The following GCN1 variants were observed in gnomAD, a reference collection of about 807,000 sequenced individuals.
The protein encoded by GCN1 is GCN1 activator of EIF2AK4.
A neutral mutation model predicts 288.4 loss-of-function variants in GCN1; 90 were observed. The ratio of observed to expected loss-of-function variants is 0.31; its 90% CI spans 0.26 to 0.37. The LOEUF (loss-of-function observed/expected upper bound fraction) is 0.37. GCN1 is among the 10% of genes least tolerant of loss of function. The pLI is 1.00. For missense variants in GCN1, 2,586 were observed against 3,419.9 expected (o/e 0.76, Z 6.08); for synonymous variants, 1,386 against 1,420.2 (o/e 0.98, Z 0.54).
intron 2 of GCN1, among the ~76,000 whole-genome samples, chr12:120,185,740 A>G (rs1157308862): frequency 6.6e-6 from 1 of 152,126 alleles, no homozygotes; most frequent in Admixed American, 6.5e-5. Flanking sequence ...AGCTGAGACT[A>G]AAGGTGCGCA....
At chr12:120,143,011 A>G in intron 42 of GCN1, 70 bp from the exon 43 acceptor site, 1 of 880,168 alleles carries the variant, frequency 1.1e-6, no homozygotes, top group Non-Finnish European at 1.9e-6. Flanking sequence ...AGCACTGCAC[A>G]GAAGATGGAA....
In GCN1 at chr12:120,183,515, C is replaced by G; in HGVS notation, c.426+54G>C. 5 of 1,120,946 alleles carry G rather than the reference C, an allele frequency of 4.5e-6. No individual in the cohort carries two copies. In the South Asian group the frequency reaches 4.9e-5, roughly 11 times the overall value. 69.4% of individuals were successfully genotyped at this position (1,120,946 alleles called of 1,614,324 possible). A position where few individuals can be genotyped will look rare whatever the true frequency, so the allele number is the denominator to read the frequency against. ...CACCAAGAAGGTGCTGAAACATGCTCTAACTCCTGGCAGAAAGCTGACCCT... is the reference window on the plus strand; with the variant it reads ...CACCAAGAAGGTGCTGAAACATGCTGTAACTCCTGGCAGAAAGCTGACCCT... On this transcript the variant is annotated intron_variant, in intron 5 of 57. Coordinates refer to ENST00000300648, the MANE Select transcript of GCN1 (RefSeq NM_006836.2).
intron 5 of GCN1, among the ~76,000 whole-genome samples, chr12:120,179,689 G>A (rs1878590060): frequency 6.6e-6 from 1 of 151,948 alleles, no homozygotes. Flanking sequence ...GTGAGCCACT[G>A]CGCCCAGCCG....
In GCN1 at chr12:120,127,390, T is replaced by C. The variant is rs1403407675; in HGVS notation, c.*459A>G. The C allele has an allele frequency of 1.3e-5, 2 of 156,560 alleles. No homozygotes were observed. The highest frequency in any genetic ancestry group is 6.2e-5 in the Admixed American group (1 of 16,008). 9.7% of individuals were successfully genotyped at this position (156,560 alleles called of 1,614,324 possible). Reference sequence around the variant, plus strand: ...TCATTTTCATCTGACAGGGGTCAGATCCATTCAGACCTCACAATATTGAAA... The same window carrying C: ...TCATTTTCATCTGACAGGGGTCAGACCCATTCAGACCTCACAATATTGAAA... On this transcript the variant is annotated 3_prime_UTR_variant, in exon 58 of 58. Transcript: ENST00000300648.
chr12:120,138,170 T>C, intron 47 of GCN1, 126 bp from the exon 48 acceptor site: 1 of 984,528 alleles, frequency 1.0e-6, no homozygotes, highest in Non-Finnish European at 1.6e-6. Flanking sequence ...CTCCAGCATA[T>C]CTTGGAAGAC....
intron 31 of GCN1, among the ~76,000 whole-genome samples, chr12:120,154,577 T>C (rs1443450411): frequency 1.3e-5 from 2 of 152,228 alleles, no homozygotes; most frequent in Admixed American, 1.3e-4. Flanking sequence ...GCTTCTGTTA[T>C]TGTGCCCTGC....
chr12:120,187,887 G>GGAA (rs1555303498), intron 2 of GCN1, among the ~76,000 whole-genome samples: 1 of 99,618 alleles, frequency 1.0e-5, no homozygotes, highest in African/African-American at 3.8e-5. Flanking sequence ...CAAAAGAAAT[G>GGAA]AAAAAAAAAA....
chr12:120,131,393 T>G, intron 54 of GCN1, 60 bp from the exon 55 acceptor site: 2 of 1,556,730 alleles, frequency 1.3e-6, no homozygotes, highest in Non-Finnish European at 1.8e-6. Flanking sequence ...CCAGCACCCA[T>G]GAGGCCCATG....
Position 120,157,974 on chromosome 12 carries a change from C to T in GCN1, c.2962G>A (p.Val988Met), listed in dbSNP as rs1877805236. ...CTGTGGTGGGGCATCTCCGTCAGCA[C>T]CATCTTCAGAAACGGGAAGACTAAG... ...FSLVFPFLKM[V>M]LTEMPHHSEE... Residue 988 changes from valine to methionine, a missense_variant, in exon 26 of 58, where the codon GTG becomes ATG. Around this residue, in one of 8 missense-constraint regions of GCN1, gnomAD observed 153 missense variants for 252.0 expected, o/e 0.61. Coordinates refer to ENST00000300648, the MANE Select transcript of GCN1 (RefSeq NM_006836.2). 1.2e-6 allele frequency: 2 copies of T among 1,614,042 alleles called. No individual in the cohort carries two copies. The highest frequency in any genetic ancestry group is 1.1e-5 in the South Asian group (1 of 91,090).
chr12:120,153,319 A>G lies in GCN1; in HGVS notation c.3956T>C (p.Val1319Ala), dbSNP rs1877630122. The G allele has an allele frequency of 1.9e-6, 3 of 1,614,160 alleles. No homozygotes were observed. The highest frequency in any genetic ancestry group is 2.5e-6 in the Non-Finnish European group (3 of 1,179,982). The change falls in exon 33 of 58, where the codon GTG becomes GCG. Residue 1319 changes from valine (V) to alanine (A), a missense_variant. Val to Ala is a moderately conservative substitution (Grantham distance 64). Transcript: ENST00000300648. The surrounding 1 kb of genome is among the most constrained non-coding windows in gnomAD (Gnocchi z 4.4). ...GGCCAGAGAGCCCATCAGGACCACC[A>G]CACTCTGTCGCACAGCATCATAGCT... The part of the protein sequence containing the change: ...DASYDAVRQS[V>A]VVLMGSLAKH...
At chr12:120,135,375 T>A (rs1382111509) in intron 51 of GCN1, among the ~76,000 whole-genome samples, 1 of 152,148 alleles carries the variant, frequency 6.6e-6, no homozygotes, top group Non-Finnish European at 1.5e-5. Context: ...TGTTTTGTTT[T>A]TTTTTTGAGA....
intron 55 of GCN1, 23 bp from the exon 56 acceptor site, chr12:120,130,776 G>A: frequency 6.7e-7 from 1 of 1,502,820 alleles, no homozygotes. Context: ...GACAGCGCTA[G>A]ACGGGAGGCC....
chr12:120,166,154 G>A (rs1186939921), intron 16 of GCN1, among the ~76,000 whole-genome samples: 2 of 151,580 alleles, frequency 1.3e-5, no homozygotes, highest in East Asian at 2.0e-4. Context: ...TGTAATCCCA[G>A]CACTCTGGGA....
chr12:120,173,271 C>T (rs1878367899), intron 14 of GCN1, among the ~76,000 whole-genome samples: 1 of 152,064 alleles, frequency 6.6e-6, no homozygotes, highest in Non-Finnish European at 1.5e-5. Context: ...TGGTCTTGAA[C>T]TCCTGCCCTC....
intron 12 of GCN1, 68 bp downstream of exon 12, chr12:120,175,094 T>C: frequency 7.1e-7 from 1 of 1,405,954 alleles, no homozygotes; most frequent in South Asian, 1.2e-5. Context: ...ACCACTGCAC[T>C]CTATCCTAGA....
At chr12:120,143,052 A>G (rs1877249125) in intron 42 of GCN1, 111 bp from the exon 43 acceptor site, 1 of 645,532 alleles carries the variant, frequency 1.5e-6, no homozygotes, top group South Asian at 2.0e-5. Flanking sequence ...CATGACGGTC[A>G]TCTTGGAATG....
intron 54 of GCN1, 23 bp downstream of exon 54, chr12:120,131,903 G>A (rs1876838402): frequency 1.3e-6 from 2 of 1,495,244 alleles, no homozygotes; most frequent in Non-Finnish European, 1.8e-6. Flanking sequence ...GGTCCCTGAA[G>A]GGGAACTCTC....
At position 120,176,190 on chromosome 12, in the gene GCN1, G is replaced by A. The variant is rs374086266; in HGVS notation, c.866C>T (p.Thr289Met). The change falls in exon 10 of 58, where the codon ACG (threonine) becomes ATG (methionine). Residue 289 changes from threonine (T) to methionine (M), a missense_variant. By Grantham distance (81) the Thr-to-Met change is moderately conservative. Coordinates refer to ENST00000300648, the MANE Select transcript of GCN1 (RefSeq NM_006836.2). Reference protein sequence around the residue: ...ETISSLLASVTLDLSQYAMDI... With the variant: ...ETISSLLASVMLDLSQYAMDI... ...CATGGCATACTGGCTGAGGTCAAGC[G>A]TCACTGATGCCAGCAGACTAGAAAT... is the stretch of plus-strand genomic sequence containing the variant. 20 of 1,611,130 alleles carry A rather than the reference G, an allele frequency of 1.2e-5. No homozygotes were observed. The highest frequency in any genetic ancestry group is 2.7e-5 in the African/African-American group (2 of 74,844).
chr12:120,149,831 T>C lies in GCN1; in HGVS notation c.4431+91A>G, dbSNP rs1877482155. ...ACCAACGCTTACTGGGGTTCTATTA[T>C]GTCAGACCCTGTGCCAAGGCCTGCA... On this transcript the variant is annotated intron_variant, in intron 35 of 57. Transcript: ENST00000300648. 3.9e-6 allele frequency: 6 copies of C among 1,554,606 alleles called. No homozygotes were observed. In the Admixed American group the frequency reaches 5.1e-5, roughly 13 times the overall value.
Sources: gnomAD v4.1 joint callset for allele counts (sites outside exome capture counted in the v4.1 genomes callset) on GRCh38, gnomAD v4.1.1 for gene constraint, gnomAD v4.1.1 regional missense constraint, Gnocchi (gnomAD v3.1) non-coding constraint, MANE v1.5 for transcripts, NCBI Gene and HGNC (gene_info 2026-07-23, HGNC 2026-07-21) for gene names.